TRIM24: variants seen among roughly 807,000 people sequenced by gnomAD.
TRIM24 encodes the protein tripartite motif containing 24, also known as transcription intermediary factor 1-alpha.
TRIM24 carries 29 observed loss-of-function variants against 123.9 expected under a neutral mutation model. The ratio of observed to expected loss-of-function variants is 0.23; its 90% confidence interval spans 0.17 to 0.32. TRIM24 has a LOEUF of 0.32. Among genes scored for constraint, TRIM24 ranks in the 10% least tolerant of loss-of-function variants. The pLI, the probability that TRIM24 is intolerant of heterozygous loss-of-function variation, is 1.00. For missense variants in TRIM24, 932 were observed against 1,295.3 expected, an observed-to-expected ratio of 0.72 and a Z score of 4.31; for synonymous variants, 456 against 461.1, an observed-to-expected ratio of 0.99 and a Z score of 0.14.
chr7:138,464,827 A>C (rs958239388), intron 1 of TRIM24, among the ~76,000 whole-genome samples: 6 of 152,216 alleles, frequency 3.9e-5, no homozygotes, highest in Non-Finnish European at 8.8e-5. Flanking sequence ...TTAGATTTTT[A>C]GGCCCCTCCC....
At chr7:138,568,409 T>TTTTTTTTTTA (rs1491153957) in intron 10 of TRIM24, among the ~76,000 whole-genome samples, 1 of 117,252 alleles carries the variant, frequency 8.5e-6, no homozygotes, top group East Asian at 2.1e-4. Flanking sequence ...TTTTTTTTTT[T>TTTTTTTTTTA]AAAGTCTCTC....
At position 138,579,534 on chromosome 7, in the gene TRIM24, T is replaced by TAAGA; in HGVS notation, c.2585+3_2585+6dup. The TAAGA allele has an allele frequency of 6.3e-7, 1 of 1,589,366 alleles. No homozygotes were observed. Among genetic ancestry groups the TAAGA allele is most frequent in the Non-Finnish European group, 8.6e-7 (1 of 1,165,222 alleles). On this transcript the variant is annotated splice_region_variant and intron_variant, in intron 15 of 18. Coordinates refer to ENST00000343526, the MANE Select transcript of TRIM24 (RefSeq NM_015905.3). ...GCCCACATTGACAAATTTTCCAAGG[T>TAAGA]AAGATAGTACTTCCCTTCCCACATT...
At chr7:138,489,501 A>G (rs1795730728) in intron 1 of TRIM24, among the ~76,000 whole-genome samples, 1 of 152,004 alleles carries the variant, frequency 6.6e-6, no homozygotes, top group Non-Finnish European at 1.5e-5. Context: ...GTTCCTTTCC[A>G]TGTTTAGTGC....
At chr7:138,461,926 G>T (rs1794985428) in intron 1 of TRIM24, among the ~76,000 whole-genome samples, 1 of 152,188 alleles carries the variant, frequency 6.6e-6, no homozygotes, top group African/African-American at 2.4e-5. Flanking sequence ...CAAATAGATT[G>T]TGGGCTGAGA....
At chr7:138,563,863 G>A (rs1797477908) in intron 9 of TRIM24, among the ~76,000 whole-genome samples, 1 of 152,172 alleles carries the variant, frequency 6.6e-6, no homozygotes, top group Non-Finnish European at 1.5e-5. Flanking sequence ...ACCTCTGTAG[G>A]TACTGTAATT....
Position 138,584,980 on chromosome 7 carries a change from T to TA in TRIM24, c.*29_*30insA. On this transcript the variant is annotated 3_prime_UTR_variant, in exon 19 of 19. Transcript: ENST00000343526. ...GCAGCACCACTAGCTTGTGCTGGTTTTTAGATTTTTTTGTTTTCAAAAAAA... is the reference window on the plus strand; with the variant it reads ...GCAGCACCACTAGCTTGTGCTGGTTTATTAGATTTTTTTGTTTTCAAAAAAA... The TA allele has an allele frequency of 6.5e-7, 1 of 1,549,756 alleles. No homozygotes were observed. The highest frequency in any genetic ancestry group is 8.7e-7 in the Non-Finnish European group (1 of 1,151,092).
At chr7:138,517,964 C>T (rs1415342049) in intron 3 of TRIM24, among the ~76,000 whole-genome samples, 1 of 152,176 alleles carries the variant, frequency 6.6e-6, no homozygotes, top group African/African-American at 2.4e-5. Context: ...GGTTGAAGTA[C>T]AAATTGGCAC....
intron 4 of TRIM24, among the ~76,000 whole-genome samples, chr7:138,522,985 A>G (rs1048069893): frequency 6.6e-6 from 1 of 152,224 alleles, no homozygotes; most frequent in Non-Finnish European, 1.5e-5. Flanking sequence ...ATATTATTAA[A>G]TGCATATGTT....
chr7:138,551,043 A>C lies in TRIM24; in HGVS notation c.1144-20A>C, dbSNP rs200142572. On this transcript the variant is annotated intron_variant, in intron 7 of 18. Coordinates refer to ENST00000343526, the MANE Select transcript of TRIM24 (RefSeq NM_015905.3). ...TAAATTATTTGCCTAATATTTAGTT[A>C]TCTCTCCTTTTTCTTCTAGATTACA... The C allele has an allele frequency of 1.3e-6, 2 of 1,596,984 alleles. No homozygotes were observed. Among genetic ancestry groups the C allele is most frequent in the South Asian group, 1.1e-5 (1 of 90,342 alleles).
intron 8 of TRIM24, 87 bp downstream of exon 8, chr7:138,551,267 T>A: frequency 1.7e-6 from 2 of 1,200,190 alleles, no homozygotes; most frequent in Non-Finnish European, 2.5e-6. Context: ...ATATGTTCAC[T>A]TAGGCTGGGC....
chr7:138,483,213 G>C (rs567363914), intron 1 of TRIM24, among the ~76,000 whole-genome samples: 9 of 152,270 alleles, frequency 5.9e-5, no homozygotes, highest in Admixed American at 5.9e-4. Context: ...TGGGATCCTA[G>C]GCATTAGCCA....
At chr7:138,484,562 T>C (rs1406516208) in intron 1 of TRIM24, among the ~76,000 whole-genome samples, 1 of 152,176 alleles carries the variant, frequency 6.6e-6, no homozygotes, top group East Asian at 1.9e-4. Flanking sequence ...TGGCATATTA[T>C]TCTTTTCACA....
intron 14 of TRIM24, 81 bp from the exon 15 acceptor site, chr7:138,579,121 CAG>C: frequency 3.5e-6 from 4 of 1,157,722 alleles, no homozygotes; most frequent in East Asian, 4.9e-5. Flanking sequence ...AGGTGCTCAC[CAG>C]AGAGTGGTCT....
chr7:138,475,093 C>T (rs1239813915), intron 1 of TRIM24, among the ~76,000 whole-genome samples: 1 of 152,074 alleles, frequency 6.6e-6, no homozygotes, highest in Non-Finnish European at 1.5e-5. Flanking sequence ...GTTTAATAGG[C>T]TCATTGATTG....
chr7:138,465,430 A>T (rs1179363264), intron 1 of TRIM24, among the ~76,000 whole-genome samples: 1 of 152,242 alleles, frequency 6.6e-6, no homozygotes, highest in East Asian at 1.9e-4. Flanking sequence ...TGTTCAGCTA[A>T]TGAGTAGCAA....
At chr7:138,557,597 C>T (rs1379172021) in intron 9 of TRIM24, among the ~76,000 whole-genome samples, 1 of 152,166 alleles carries the variant, frequency 6.6e-6, no homozygotes, top group African/African-American at 2.4e-5. Context: ...ACCATCCTTT[C>T]TAAGTCTGGG....
At chr7:138,485,501 C>T (rs948443260) in intron 1 of TRIM24, among the ~76,000 whole-genome samples, 5 of 152,102 alleles carry the variant, frequency 3.3e-5, no homozygotes, top group Non-Finnish European at 7.3e-5. Context: ...TGTGCCTCCC[C>T]CATCCCCTCA....
At chr7:138,534,729 T>A (rs2116599148) in intron 6 of TRIM24, among the ~76,000 whole-genome samples, 1 of 152,310 alleles carries the variant, frequency 6.6e-6, no homozygotes, top group East Asian at 1.9e-4. Context: ...ATCTATTAGG[T>A]CTGCTTGGTG....
chr7:138,545,070 T>C (rs934883619), intron 7 of TRIM24, among the ~76,000 whole-genome samples: 3 of 152,198 alleles, frequency 2.0e-5, no homozygotes, highest in Non-Finnish European at 2.9e-5. Context: ...GCTATGTGTG[T>C]TGAGTATATG....
Sources: gnomAD v4.1 joint callset for allele counts (sites outside exome capture counted in the v4.1 genomes callset) on GRCh38, gnomAD v4.1.1 for gene constraint, MANE v1.5 for transcripts, NCBI Gene and HGNC (gene_info 2026-07-23, HGNC 2026-07-21) for gene names.